The following PCDHA6 variants were observed in gnomAD, a reference collection of about 807,000 sequenced individuals.
PCDHA6 encodes the protein protocadherin alpha-6.
Under a neutral mutation model 60.3 loss-of-function variants are expected in PCDHA6, and 55 were observed. The ratio of observed to expected loss-of-function variants is 0.91; its 90% CI spans 0.73 to 1.14. The LOEUF is 1.14. PCDHA6 is among the 50% of genes most tolerant of loss of function. The pLI is 0.00. For synonymous variants in PCDHA6, 652 were observed against 557.9 expected (o/e 1.17, Z -2.38); for missense variants, 1,327 against 1,256.5 (o/e 1.06, Z -0.85).
chr5:140,859,508 T>G (rs1298997050), intron 1 of PCDHA6: 1 of 197,594 alleles, frequency 5.1e-6, no homozygotes, highest in Non-Finnish European at 1.0e-5. Context: ...CTGATACCCA[T>G]GATTTCATTT....
intron 1 of PCDHA6, chr5:140,860,422 T>A (rs1554153353): frequency 1.3e-5 from 2 of 152,130 alleles, no homozygotes; most frequent in African/African-American, 4.8e-5. Context: ...ACCATTATCC[T>A]GCAAATATGA....
Position 140,917,329 on chromosome 5 carries a change from G to GT in PCDHA6, c.2395-61620_2395-61619insT, listed in dbSNP as rs1563018868. On this transcript the variant is annotated intron_variant, in intron 1 of 3. Coordinates refer to ENST00000529310, the MANE Select transcript of PCDHA6 (RefSeq NM_018909.4). ...ACAATTTGGTGTTCATGTGGCGGGG[G>GT]AGGGGGGGGATGGTGTAGGCTTCTG... is the stretch of plus-strand genomic sequence containing the variant. 5.6e-5 allele frequency among the ~76,000 whole-genome samples: 8 copies of GT among 143,930 alleles called. 1 individual carries two copies. The highest frequency in any genetic ancestry group is 9.1e-5 in the Non-Finnish European group (6 of 65,842). The allele number at this position is 143,930 out of a possible 152,430, so 94.4% of individuals were successfully genotyped here.
rs2150499479 is a variant in PCDHA6 at position 140,850,817 on chromosome 5, G to C, written c.2394+20332G>C. ...AGACCGACCTCATGGCCTTCAGCCC[G>C]GGCCTTTCTCCTTGTGCTGGATCTA... On this transcript the variant is annotated intron_variant, in intron 1 of 3. Transcript: ENST00000529310. 44 of 1,598,178 alleles carry C rather than the reference G, an allele frequency of 2.8e-5. 6 individuals carry two copies. The highest frequency in any genetic ancestry group is 1.7e-4 in the South Asian group (15 of 90,550).
Position 140,828,737 on chromosome 5 carries a change from G to A in PCDHA6, c.646G>A (p.Asp216Asn). Reference protein sequence around the residue: ...PAHNLFLTATDGGKPELTGTV... With the variant: ...PAHNLFLTATNGGKPELTGTV... ...ACACAACTTATTCCTGACAGCCACAGATGGGGGCAAACCTGAGCTCACAGG... is the reference window on the plus strand; with the variant it reads ...ACACAACTTATTCCTGACAGCCACAAATGGGGGCAAACCTGAGCTCACAGG... Residue 216 changes from aspartate (D) to asparagine (N), a missense_variant, in exon 1 of 4, where the codon GAT (aspartate) becomes AAT (asparagine). Coordinates refer to ENST00000529310, the MANE Select transcript of PCDHA6 (RefSeq NM_018909.4). 1.2e-6 allele frequency: 2 copies of A among 1,614,254 alleles called. No homozygotes were observed. Among genetic ancestry groups the A allele is most frequent in the Non-Finnish European group, 1.7e-6 (2 of 1,180,042 alleles).
At chr5:140,910,276 A>G (rs1461426502) in intron 1 of PCDHA6, among the ~76,000 whole-genome samples, 2 of 152,124 alleles carry the variant, frequency 1.3e-5, no homozygotes, top group African/African-American at 4.8e-5. Flanking sequence ...ACTTCTAGGA[A>G]CACCATGATT....
chr5:140,844,416 T>C (rs2150371030), intron 1 of PCDHA6, among the ~76,000 whole-genome samples: 3 of 149,642 alleles, frequency 2.0e-5, no homozygotes, highest in Admixed American at 6.7e-5. Context: ...TGGAGACATG[T>C]TTTTTATTCT....
intron 1 of PCDHA6, chr5:140,881,522 A>G: frequency 5.1e-6 from 1 of 196,850 alleles, no homozygotes; most frequent in South Asian, 1.8e-4. Context: ...AAAATCCCAC[A>G]CATATTGACT....
intron 1 of PCDHA6, chr5:140,871,364 G>T (rs113722940): frequency 2.5e-6 from 4 of 1,614,102 alleles, no homozygotes; most frequent in Non-Finnish European, 3.4e-6. Context: ...CAGCAGAGGC[G>T]GCAGAGGGTG....
intron 3 of PCDHA6, among the ~76,000 whole-genome samples, chr5:140,989,748 G>A (rs868949345): frequency 1.3e-4 from 20 of 152,192 alleles, no homozygotes; most frequent in African/African-American, 4.8e-4. Context: ...GCCTAATCTG[G>A]AGAAACATAT....
In PCDHA6 at chr5:140,928,392, G is replaced by A. The variant is rs17844366; in HGVS notation, c.2395-50557G>A. 2.0e-4 allele frequency: 326 copies of A among 1,614,052 alleles called. No homozygotes were observed. The East Asian group carries it at 6.6e-3, about 32-fold the overall frequency. Reference sequence around the variant, plus strand: ...CATCAGCCTCTAGCTTGCTGGCAGTGGAATCATCCAGTGGGGCCATCACTG... The same window carrying A: ...CATCAGCCTCTAGCTTGCTGGCAGTAGAATCATCCAGTGGGGCCATCACTG... On this transcript the variant is annotated intron_variant, in intron 1 of 3. Transcript: ENST00000529310.
At chr5:140,845,675 A>G (rs2150380480) in intron 1 of PCDHA6, among the ~76,000 whole-genome samples, 6 of 149,762 alleles carry the variant, frequency 4.0e-5, no homozygotes, top group African/African-American at 7.3e-5. Context: ...AGCCATTGGT[A>G]AAGGATTTGT....
chr5:140,966,854 C>T (rs1554228784), intron 1 of PCDHA6: 2 of 1,573,744 alleles, frequency 1.3e-6, no homozygotes, highest in Admixed American at 1.8e-5. Context: ...GCCTCTCCTG[C>T]TGCTGTTGCT....
intron 1 of PCDHA6, chr5:140,869,076 C>T (rs367613564): frequency 1.9e-6 from 3 of 1,577,816 alleles, no homozygotes; most frequent in African/African-American, 2.7e-5. Context: ...TGTAAAGAAG[C>T]TTATTTTGGA....
Position 140,869,617 on chromosome 5 carries a change from C to G in PCDHA6, c.2394+39132C>G, listed in dbSNP as rs782525218. The stretch of plus-strand genomic sequence containing the variant: ...AGAGAATGCTCTATTGACCTACAGG[C>G]TAAGTAAAAATGAGTATTTTTCTTT... On this transcript the variant is annotated intron_variant, in intron 1 of 3. Transcript: ENST00000529310. 5 of 1,613,828 alleles carry G rather than the reference C, an allele frequency of 3.1e-6. No homozygotes were observed. The highest frequency in any genetic ancestry group is 4.2e-6 in the Non-Finnish European group (5 of 1,179,910).
At chr5:140,865,628 G>A (rs2048940891) in intron 1 of PCDHA6, 1 of 152,162 alleles carries the variant, frequency 6.6e-6, no homozygotes, top group African/African-American at 2.4e-5. Flanking sequence ...TAGACATCAT[G>A]AAGGGACTTA....
chr5:140,966,278 T>A, intron 1 of PCDHA6: 1 of 363,192 alleles, frequency 2.8e-6, no homozygotes, highest in Non-Finnish European at 4.9e-6. Context: ...AACTGGACAG[T>A]GGGGGTAGGG....
chr5:140,962,757 T>C (rs1554226219), intron 1 of PCDHA6, among the ~76,000 whole-genome samples: 1 of 152,240 alleles, frequency 6.6e-6, no homozygotes, highest in Non-Finnish European at 1.5e-5. Context: ...GGAATCCTAT[T>C]CGTTTTTAAC....
chr5:140,834,793 A>G (rs1554134523), intron 1 of PCDHA6: 4 of 1,613,670 alleles, frequency 2.5e-6, no homozygotes, highest in South Asian at 2.2e-5. Flanking sequence ...CCAGCGACAC[A>G]AAGGAATCTG....
In PCDHA6 at chr5:140,829,328, C is replaced by T. The variant is rs782173510; in HGVS notation, c.1237C>T (p.Leu413=). The change falls in exon 1 of 4, where the codon CTG becomes TTG. Residue 413 remains leucine, a synonymous_variant. Coordinates refer to ENST00000529310, the MANE Select transcript of PCDHA6 (RefSeq NM_018909.4). ...NYYSLVLDSA[L]DRESVSAYEL... is the part of the protein sequence containing the mutation. ...CTACTCGTTGGTGCTGGACAGTGCC[C>T]TGGACCGCGAGAGCGTGTCGGCCTA... 1.1e-5 allele frequency: 18 copies of T among 1,614,244 alleles called. No homozygotes were observed. The highest frequency in any genetic ancestry group is 1.3e-5 in the African/African-American group (1 of 75,074).
Sources: allele counts gnomAD v4.1 joint callset (sites outside exome capture counted in the v4.1 genomes callset), GRCh38; gene constraint gnomAD v4.1.1; transcripts MANE v1.5; gene names NCBI Gene and HGNC (gene_info 2026-07-23, HGNC 2026-07-21).